Variants in SYT17 observed in about 807,000 individuals in gnomAD.
SYT17 encodes the protein synaptotagmin-17.
SYT17 carries 22 observed loss-of-function variants against 46.7 expected under a neutral mutation model. That is an observed-to-expected ratio of 0.47 (90% CI 0.34 to 0.67). SYT17 has a LOEUF of 0.67. Among genes scored for constraint, SYT17 ranks in the 30% least tolerant of loss-of-function variants. The pLI, the probability that SYT17 is intolerant of heterozygous loss-of-function variation, is 0.01. For synonymous variants in SYT17, 251 were observed against 248.4 expected (o/e 1.01, Z -0.10); for missense variants, 519 against 612.8 (o/e 0.85, Z 1.62).
intron 6 of SYT17, 152 bp from the exon 7 acceptor site, chr16:19,224,531 G>A (rs543927011): frequency 6.6e-6 from 5 of 758,226 alleles, no homozygotes; most frequent in African/African-American, 3.5e-5. Flanking sequence ...ATGAATGGAC[G>A]GACTATGAGA....
At chr16:19,170,272 T>C (rs991912269) in intron 1 of SYT17, 3 of 152,176 alleles carry the variant, frequency 2.0e-5, no homozygotes, top group African/African-American at 7.2e-5. Context: ...AAATTTGAAT[T>C]TTGTATACTT....
At chr16:19,170,466 A>G (rs1056241655) in intron 1 of SYT17, 1 of 152,076 alleles carries the variant, frequency 6.6e-6, no homozygotes, top group Non-Finnish European at 1.5e-5. Context: ...TCTGGTGTGA[A>G]TTGGTTCTCT....
chr16:19,257,187 A>C (rs1305073907), intron 7 of SYT17, among the ~76,000 whole-genome samples: 1 of 152,164 alleles, frequency 6.6e-6, no homozygotes, highest in Non-Finnish European at 1.5e-5. Context: ...AAGGAAAAAC[A>C]TGAAAAAAAA....
chr16:19,191,012 A>T (rs1274352399), intron 5 of SYT17, among the ~76,000 whole-genome samples: 1 of 151,878 alleles, frequency 6.6e-6, no homozygotes, highest in African/African-American at 2.4e-5. Flanking sequence ...TCTTGAGTTC[A>T]TGTGGTTTGG....
At chr16:19,177,539 A>G (rs1276595312) in intron 3 of SYT17, among the ~76,000 whole-genome samples, 1 of 152,158 alleles carries the variant, frequency 6.6e-6, no homozygotes, top group African/African-American at 2.4e-5. Context: ...AACAGACAGG[A>G]AGTAGAAATG....
chr16:19,209,149 G>A (rs927699611), intron 5 of SYT17, among the ~76,000 whole-genome samples: 41 of 151,790 alleles, frequency 2.7e-4, no homozygotes, highest in South Asian at 6.2e-4. Context: ...GATTACAGGC[G>A]CGAGCCACTG....
intron 5 of SYT17, among the ~76,000 whole-genome samples, chr16:19,187,924 G>T (rs767671546): frequency 2.0e-5 from 3 of 152,142 alleles, no homozygotes; most frequent in African/African-American, 7.2e-5. Flanking sequence ...AGACAGTGTC[G>T]CAATTCCTCA....
At chr16:19,182,154 C>G (rs1964584902) in intron 4 of SYT17, among the ~76,000 whole-genome samples, 1 of 152,134 alleles carries the variant, frequency 6.6e-6, no homozygotes, top group Non-Finnish European at 1.5e-5. Context: ...GTGGCTCACG[C>G]CTGTAATCCC....
intron 5 of SYT17, among the ~76,000 whole-genome samples, chr16:19,209,898 A>C (rs1424750809): frequency 2.9e-5 from 2 of 69,606 alleles, no homozygotes; most frequent in Non-Finnish European, 5.9e-5. Context: ...AAAACAAAAC[A>C]AAAACAACAA....
chr16:19,232,263 C>T (rs1443413295), intron 7 of SYT17, among the ~76,000 whole-genome samples: 1 of 144,896 alleles, frequency 6.9e-6, no homozygotes, highest in African/African-American at 2.7e-5. Flanking sequence ...CAATGACAGA[C>T]ACGCCTCAAT....
intron 5 of SYT17, among the ~76,000 whole-genome samples, chr16:19,195,974 G>T (rs1201219387): frequency 6.6e-6 from 1 of 151,942 alleles, no homozygotes; most frequent in Non-Finnish European, 1.5e-5. Flanking sequence ...GACAGAGCCG[G>T]ACCCTGTCTC....
intron 7 of SYT17, among the ~76,000 whole-genome samples, chr16:19,247,979 A>G (rs1967705285): frequency 6.6e-6 from 1 of 152,230 alleles, no homozygotes; most frequent in Non-Finnish European, 1.5e-5. Context: ...CATATATCCA[A>G]CAAAGAGCCC....
intron 5 of SYT17, among the ~76,000 whole-genome samples, chr16:19,222,017 T>C (rs998473404): frequency 1.3e-5 from 2 of 152,212 alleles, no homozygotes; most frequent in African/African-American, 2.4e-5. Context: ...TGGGGTATAC[T>C]CTTCTGTCTG....
chr16:19,185,107 T>C (rs1208864085), intron 5 of SYT17, among the ~76,000 whole-genome samples: 2 of 151,666 alleles, frequency 1.3e-5, no homozygotes, highest in Non-Finnish European at 2.9e-5. Flanking sequence ...CTCTCTTCAC[T>C]CCCTCCCTCC....
chr16:19,184,504 G>C lies in SYT17; in HGVS notation c.951+357G>C, dbSNP rs144154717. On this transcript the variant is annotated intron_variant, in intron 5 of 7. Coordinates refer to ENST00000355377, the MANE Select transcript of SYT17 (RefSeq NM_016524.4). The stretch of plus-strand genomic sequence containing the variant: ...AGGTTCACGCCATTCTCCTGCCTCA[G>C]CCTCCTGAGTAGCTGGGACTATAGG... Among the ~76,000 whole-genome samples the C allele has an allele frequency of 1.2e-3, 186 of 151,542 alleles. 4 individuals carry two copies. The East Asian group carries it at 0.031, about 25-fold the overall frequency.
chr16:19,266,983 C>T lies in SYT17; in HGVS notation c.1332C>T (p.Leu444=). ...PSETNHWRRM[L]NTHRTAVEQW... is the part of the protein sequence containing the mutation. The stretch of plus-strand genomic sequence containing the variant: ...AGACCAACCACTGGAGGCGCATGCT[C>T]AACACGCACCGCACAGCCGTGGAGC... The change falls in exon 8 of 8, where the codon CTC becomes CTT. Residue 444 remains leucine (L), a synonymous_variant. Coordinates refer to ENST00000355377, the MANE Select transcript of SYT17 (RefSeq NM_016524.4). 1 of 1,613,834 alleles carries T rather than the reference C, an allele frequency of 6.2e-7. No individual in the cohort carries two copies. The highest frequency in any genetic ancestry group is 8.5e-7 in the Non-Finnish European group (1 of 1,180,008).
intron 7 of SYT17, among the ~76,000 whole-genome samples, chr16:19,239,786 C>T (rs539216923): frequency 1.1e-4 from 17 of 152,324 alleles, no homozygotes; most frequent in Admixed American, 6.5e-4. Flanking sequence ...AGGCTGTGCT[C>T]GGCTCATGCT....
Position 19,189,567 on chromosome 16 carries a change from C to T in SYT17, c.951+5420C>T, listed in dbSNP as rs377089312. Among the ~76,000 whole-genome samples, 12 of 152,204 alleles carry T rather than the reference C, an allele frequency of 7.9e-5. No homozygotes were observed. In the East Asian group the frequency reaches 1.7e-3, roughly 22 times the overall value. ...GTCTCATTATTTTGCCCAGGTTGGTCTTAAACCACTGGGTTCAAGCGATCC... is the reference window on the plus strand; with the variant it reads ...GTCTCATTATTTTGCCCAGGTTGGTTTTAAACCACTGGGTTCAAGCGATCC... On this transcript the variant is annotated intron_variant, in intron 5 of 7. Coordinates refer to ENST00000355377, the MANE Select transcript of SYT17 (RefSeq NM_016524.4).
intron 7 of SYT17, among the ~76,000 whole-genome samples, chr16:19,248,672 A>G (rs1232720169): frequency 1.3e-5 from 2 of 152,080 alleles, no homozygotes; most frequent in Non-Finnish European, 2.9e-5. Context: ...AATACAAAAA[A>G]TTAGCTGGGC....
Sources: allele counts gnomAD v4.1 joint callset (sites outside exome capture counted in the v4.1 genomes callset), GRCh38; gene constraint gnomAD v4.1.1; transcripts MANE v1.5; gene names NCBI Gene and HGNC (gene_info 2026-07-23, HGNC 2026-07-21).